MAN2B2: variants seen among roughly 807,000 people sequenced by gnomAD.
MAN2B2 encodes the protein epididymis-specific alpha-mannosidase.
In MAN2B2, 106 loss-of-function variants were observed where a neutral mutation model predicts 117.1. The ratio of observed to expected loss-of-function variants is 0.90; its 90% CI spans 0.77 to 1.06. The LOEUF is 1.06. MAN2B2 is among the 50% of genes least tolerant of loss of function. The pLI, the probability that MAN2B2 is intolerant of heterozygous loss-of-function variation, is 0.00. For missense variants in MAN2B2, 1,326 were observed against 1,381.4 expected, an observed-to-expected ratio of 0.96 and a Z score of 0.64; for synonymous variants, 544 against 595.1, an observed-to-expected ratio of 0.91 and a Z score of 1.25.
intron 3 of MAN2B2, among the ~76,000 whole-genome samples, chr4:6,579,141 T>C (rs201200864): frequency 3.6e-3 from 85 of 23,926 alleles, no homozygotes; most frequent in Non-Finnish European, 4.8e-3. Context: ...ACCACCACCA[T>C]CACCACCACC....
rs1024364435 is a variant in MAN2B2, at chr4:6,622,032, G to GGTA, written c.*749_*751dup. 1 of 152,228 alleles carries GGTA rather than the reference G, an allele frequency of 6.6e-6. No individual in the cohort carries two copies. Among genetic ancestry groups the GGTA allele is most frequent in the African/African-American group, 2.4e-5 (1 of 41,456 alleles). The allele number at this position is 152,228 out of a possible 1,614,324, so 9.4% of individuals were successfully genotyped here. A position where few individuals can be genotyped will look rare whatever the true frequency, so the allele number is the denominator to read the frequency against. On this transcript the variant is annotated 3_prime_UTR_variant, in exon 19 of 19. Coordinates refer to ENST00000285599, the MANE Select transcript of MAN2B2 (RefSeq NM_015274.3). ...TAGCAGCATTACTCAAAAGTCAAAC[G>GGTA]GTAGCAACAACCCAAATGTCCATCC...
Position 6,578,362 on chromosome 4 carries a change from G to A in MAN2B2, c.286-31G>A, listed in dbSNP as rs78510261. 2,242 of 1,567,008 alleles carry A rather than the reference G, an allele frequency of 1.4e-3. 34 individuals carry two copies. In the African/African-American group the frequency reaches 0.026, roughly 18 times the overall value. Reference sequence around the variant, plus strand: ...CCAGCCATGCTCAGGAGCCGTAACTGGCTTTTTTCTCTCTGCCTGCCCATG... The same window carrying A: ...CCAGCCATGCTCAGGAGCCGTAACTAGCTTTTTTCTCTCTGCCTGCCCATG... On this transcript the variant is annotated intron_variant, in intron 2 of 18. Coordinates refer to ENST00000285599, the MANE Select transcript of MAN2B2 (RefSeq NM_015274.3).
In MAN2B2 at chr4:6,594,680, C is replaced by T; in HGVS notation, c.1005C>T (p.Leu335=). The change falls in exon 7 of 19, where the codon CTC becomes CTT. Residue 335 remains leucine, a synonymous_variant. Coordinates refer to ENST00000285599, the MANE Select transcript of MAN2B2 (RefSeq NM_015274.3). ...LGDYFRALHA[L]NVTWRVRDHH... ...ACTACTTCCGTGCCCTGCACGCTCT[C>T]AATGTCACCTGGCGTGTCCGCGACC... The T allele has an allele frequency of 6.2e-7, 1 of 1,613,276 alleles. No individual in the cohort carries two copies. Among genetic ancestry groups the T allele is most frequent in the Non-Finnish European group, 8.5e-7 (1 of 1,180,006 alleles).
chr4:6,614,987 C>T (rs144507175), intron 16 of MAN2B2, among the ~76,000 whole-genome samples: 33 of 152,294 alleles, frequency 2.2e-4, no homozygotes, highest in African/African-American at 7.7e-4. Flanking sequence ...GTTGCCAGAG[C>T]CCCAGCTGCA....
At position 6,594,553 on chromosome 4, in the gene MAN2B2, T is replaced by C. The variant is rs748253302; in HGVS notation, c.878T>C (p.Phe293Ser). 1.1e-5 allele frequency: 17 copies of C among 1,613,384 alleles called. No homozygotes were observed. Among genetic ancestry groups the C allele is most frequent in the Non-Finnish European group, 1.4e-5 (17 of 1,180,026 alleles). The part of the protein sequence containing the change: ...LWPWGCDKQF[F>S]NASVQFANMD... ...CTGCAGGGATGTGACAAGCAGTTCT[T>C]CAATGCCTCGGTGCAGTTTGCCAAC... Residue 293 changes from phenylalanine to serine, a missense_variant, in exon 7 of 19, where the codon TTC (phenylalanine) becomes TCC (serine). Coordinates refer to ENST00000285599, the MANE Select transcript of MAN2B2 (RefSeq NM_015274.3).
At chr4:6,610,140 A>T in intron 13 of MAN2B2, 90 bp downstream of exon 13, 1 of 1,520,804 alleles carries the variant, frequency 6.6e-7, no homozygotes, top group Non-Finnish European at 8.9e-7. Context: ...AGGCCAGTAG[A>T]GGCCTCCAGT....
rs1489022406 is a variant in MAN2B2 at position 6,614,097 on chromosome 4, C to A, written c.2564-121C>A. 6.2e-6 allele frequency: 8 copies of A among 1,286,672 alleles called. No homozygotes were observed. In the East Asian group the frequency reaches 2.0e-4, roughly 32 times the overall value. The allele number at this position is 1,286,672 out of a possible 1,614,324, so 79.7% of individuals were successfully genotyped here. On this transcript the variant is annotated intron_variant, in intron 15 of 18. Coordinates refer to ENST00000285599, the MANE Select transcript of MAN2B2 (RefSeq NM_015274.3). The stretch of plus-strand genomic sequence containing the variant: ...TTTGGGCTGGTGCGGGGTAGGCTAC[C>A]CACAAGGATGCATGGGAAGTGGCTG...
At chr4:6,591,794 G>A (rs1270654369) in intron 5 of MAN2B2, among the ~76,000 whole-genome samples, 1 of 152,090 alleles carries the variant, frequency 6.6e-6, no homozygotes, top group Non-Finnish European at 1.5e-5. Flanking sequence ...GACCCCCCGG[G>A]GGCAGAGAGG....
rs1035879325 is a variant in MAN2B2, at chr4:6,603,249, G to A, written c.1540-1806G>A. ...TCCGGTTCCAGAGGGCGCCAGACAC[G>A]CCACCCAGCTGACCCTTCTTGGGGA... On this transcript the variant is annotated intron_variant, in intron 10 of 18. Transcript: ENST00000285599. 7.9e-5 allele frequency among the ~76,000 whole-genome samples: 12 copies of A among 152,162 alleles called. No homozygotes were observed. In the South Asian group the frequency reaches 1.5e-3, roughly 18 times the overall value.
intron 11 of MAN2B2, 51 bp downstream of exon 11, chr4:6,605,380 G>A (rs1353290206): frequency 1.3e-6 from 2 of 1,555,404 alleles, no homozygotes; most frequent in Non-Finnish European, 1.7e-6. Context: ...CTGGAGCCTG[G>A]GCATGTCAGG....
At chr4:6,610,170 T>C (rs905967944) in intron 13 of MAN2B2, 120 bp downstream of exon 13, 13 of 1,401,146 alleles carry the variant, frequency 9.3e-6, no homozygotes, top group Middle Eastern at 2.4e-4. Flanking sequence ...TTTTTCCTTT[T>C]TTTTAAGATG....
chr4:6,591,199 C>T (rs1190840079), intron 5 of MAN2B2, among the ~76,000 whole-genome samples: 3 of 151,976 alleles, frequency 2.0e-5, no homozygotes, highest in African/African-American at 4.8e-5. Flanking sequence ...GGCCTGGAGA[C>T]CCTTGGGAAT....
rs749916257 is a variant in MAN2B2 at position 6,587,015 on chromosome 4, T to G, written c.411T>G (p.Tyr137Ter). The stretch of plus-strand genomic sequence containing the variant: ...TTGCAGAAGGACACGGGTTTCTCTA[T>G]GAAACATTTGGGATCCGGCCACAGT... Reference protein sequence around the residue: ...LQLTEGHGFLYETFGIRPQFS... With the variant: ...LQLTEGHGFL The change falls in exon 4 of 19, where the codon TAT (tyrosine) becomes TAG (stop). Residue 137 changes from tyrosine (Y) to a stop codon, truncating the protein, a stop_gained. Coordinates refer to ENST00000285599, the MANE Select transcript of MAN2B2 (RefSeq NM_015274.3). LOFTEE classifies it high-confidence loss of function. 1 of 1,613,946 alleles carries G rather than the reference T, an allele frequency of 6.2e-7. No homozygotes were observed. Among genetic ancestry groups the G allele is most frequent in the East Asian group, 2.2e-5 (1 of 44,868 alleles).
rs1483983648 is a variant in MAN2B2, at chr4:6,609,237, G to C, written c.1945G>C (p.Ala649Pro). The C allele has an allele frequency of 6.2e-7, 1 of 1,614,138 alleles. No homozygotes were observed. Among genetic ancestry groups the C allele is most frequent in the East Asian group, 2.2e-5 (1 of 44,890 alleles). ...PGKAAVPAWE[A>P]VEMEIVAGQL... ...CAAGGCCGCGGTGCCTGCGTGGGAAGCTGTGGAAATGGAGATTGTGGCGGG... is the reference window on the plus strand; with the variant it reads ...CAAGGCCGCGGTGCCTGCGTGGGAACCTGTGGAAATGGAGATTGTGGCGGG... Residue 649 changes from alanine (A) to proline (P), a missense_variant, in exon 12 of 19, where the codon GCT (alanine) becomes CCT (proline). Physicochemically the swap from Ala to Pro is conservative, Grantham distance 27. Coordinates refer to ENST00000285599, the MANE Select transcript of MAN2B2 (RefSeq NM_015274.3).
chr4:6,609,282 C>T lies in MAN2B2; in HGVS notation c.1990C>T (p.Arg664Trp), dbSNP rs78726425. 1,325 of 1,613,852 alleles carry T rather than the reference C, an allele frequency of 8.2e-4. 3 individuals carry two copies. In the African/African-American group the frequency reaches 8.8e-3, roughly 11 times the overall value. ...IVAGQLVTEI[R>W]QYFYRNMTAQ... is the part of the protein sequence containing the mutation. ...GGCGGGACAGCTTGTGACTGAGATCCGGCAGTACTTCTACAGGTGCTTCCC... is the reference window on the plus strand; with the variant it reads ...GGCGGGACAGCTTGTGACTGAGATCTGGCAGTACTTCTACAGGTGCTTCCC... Residue 664 changes from arginine (R) to tryptophan (W), a missense_variant, in exon 12 of 19, where the codon CGG becomes TGG. Physicochemically the swap from Arg to Trp is moderately radical, Grantham distance 101. Coordinates refer to ENST00000285599, the MANE Select transcript of MAN2B2 (RefSeq NM_015274.3).
chr4:6,579,313 CCACCAT>C (rs1726304474), intron 3 of MAN2B2, among the ~76,000 whole-genome samples: 1 of 70,992 alleles, frequency 1.4e-5, no homozygotes, highest in African/African-American at 5.0e-5. Flanking sequence ...ACCACCACCA[CCACCAT>C]CACCACCACC....
rs1727121381 is a variant in MAN2B2 at position 6,597,022 on chromosome 4, C to G, written c.1058-91C>G. ...GTGACCCTGGCAGAGGCTGCCTCTG[C>G]AGCCCCAGCTTCTCAGCTCTTCCAG... On this transcript the variant is annotated intron_variant, in intron 7 of 18. Transcript: ENST00000285599. 5 of 1,317,374 alleles carry G rather than the reference C, an allele frequency of 3.8e-6. No homozygotes were observed. In the East Asian group the frequency reaches 1.2e-4, roughly 32 times the overall value. 81.6% of individuals were successfully genotyped at this position (1,317,374 alleles called of 1,614,324 possible).
intron 3 of MAN2B2, among the ~76,000 whole-genome samples, 180 bp from the exon 4 acceptor site, chr4:6,586,816 C>A (rs1438811230): frequency 6.6e-6 from 1 of 152,232 alleles, no homozygotes; most frequent in African/African-American, 2.4e-5. Flanking sequence ...GTTATATGTA[C>A]TTCACCATGA....
chr4:6,594,710 C>T lies in MAN2B2; in HGVS notation c.1035C>T (p.His345=), dbSNP rs749616034. 3.0e-5 allele frequency: 48 copies of T among 1,611,666 alleles called. 1 individual carries two copies. The East Asian group carries it at 4.9e-4, about 16-fold the overall frequency. The part of the protein sequence containing the change: ...LNVTWRVRDH[H]DFLPYSTEPF... Reference sequence around the variant, plus strand: ...TCACCTGGCGTGTCCGCGACCACCACGACTTCCTGCCCTATTCCACAGGTA... The same window carrying T: ...TCACCTGGCGTGTCCGCGACCACCATGACTTCCTGCCCTATTCCACAGGTA... The change falls in exon 7 of 19, where the codon CAC becomes CAT. Residue 345 remains histidine, a synonymous_variant. Coordinates refer to ENST00000285599, the MANE Select transcript of MAN2B2 (RefSeq NM_015274.3).
Sources: allele counts gnomAD v4.1 joint callset (sites outside exome capture counted in the v4.1 genomes callset), GRCh38; gene constraint gnomAD v4.1.1; transcripts MANE v1.5; gene names NCBI Gene and HGNC (gene_info 2026-07-23, HGNC 2026-07-21).